The following GALNT13 variants were observed in gnomAD, a reference collection of about 807,000 sequenced individuals.
GALNT13 encodes the protein UDP-GalNAc:polypeptide N-acetylgalactosaminyltransferase 13.
Under a neutral mutation model 64.2 loss-of-function variants are expected in GALNT13, and 28 were observed. The observed-to-expected ratio is 0.44, with a 90% confidence interval of 0.32 to 0.60. The LOEUF is 0.60. Ranked by LOEUF, GALNT13 falls within the 20% of genes least tolerant of loss-of-function variation. GALNT13 has a pLI of 0.05. For missense variants in GALNT13, 577 were observed against 669.8 expected, an observed-to-expected ratio of 0.86 and a Z score of 1.53; for synonymous variants, 214 against 224.6, an observed-to-expected ratio of 0.95 and a Z score of 0.42.
chr2:154,224,761 T>C (rs558582539), intron 4 of GALNT13, among the ~76,000 whole-genome samples: 1 of 152,216 alleles, frequency 6.6e-6, no homozygotes, highest in South Asian at 2.1e-4. Context: ...AAGAATAAGC[T>C]GCACATAAAT....
chr2:153,652,551 G>T, the GALNT13 span, among the ~76,000 whole-genome samples: 3 of 152,054 alleles, frequency 2.0e-5, no homozygotes, highest in Admixed American at 6.6e-5. Context: ...GGAGGCGGAG[G>T]TTGCAGTGAG....
the GALNT13 span, among the ~76,000 whole-genome samples, chr2:153,729,528 G>A: frequency 6.6e-6 from 1 of 151,950 alleles, no homozygotes; most frequent in Non-Finnish European, 1.5e-5. Flanking sequence ...TGTTACTTTT[G>A]TATTTATATC....
At chr2:154,258,134 A>G (rs1690478727) in intron 7 of GALNT13, among the ~76,000 whole-genome samples, 1 of 152,200 alleles carries the variant, frequency 6.6e-6, no homozygotes, top group Non-Finnish European at 1.5e-5. Flanking sequence ...CTATTTGTGA[A>G]CAACTACAAT....
At chr2:153,077,200 C>A in the GALNT13 span, among the ~76,000 whole-genome samples, 1 of 152,140 alleles carries the variant, frequency 6.6e-6, no homozygotes, top group Admixed American at 6.5e-5. Context: ...GATCCACCTA[C>A]CTCAGCCTCT....
chr2:153,691,125 A>G, the GALNT13 span, among the ~76,000 whole-genome samples: 1 of 152,142 alleles, frequency 6.6e-6, no homozygotes, highest in Non-Finnish European at 1.5e-5. Flanking sequence ...CTTGTGGAGT[A>G]CTATAAGCAA....
At chr2:153,562,779 G>A in the GALNT13 span, among the ~76,000 whole-genome samples, 117 of 151,994 alleles carry the variant, frequency 7.7e-4, 1 homozygote, top group South Asian at 1.5e-3. Flanking sequence ...ATGAAGTGTC[G>A]CTGTGATGTT....
the GALNT13 span, among the ~76,000 whole-genome samples, chr2:153,365,604 A>C: frequency 6.6e-6 from 1 of 152,228 alleles, no homozygotes; most frequent in Non-Finnish European, 1.5e-5. Flanking sequence ...GACCCTTCTC[A>C]AAAGAAGACA....
Position 154,019,851 on chromosome 2 carries a change from C to A in GALNT13, c.142+75212C>A, listed in dbSNP as rs933875933. Among the ~76,000 whole-genome samples, 4 of 152,018 alleles carry A rather than the reference C, an allele frequency of 2.6e-5. No homozygotes were observed. The East Asian group carries it at 5.8e-4, about 22-fold the overall frequency. On this transcript the variant is annotated intron_variant, in intron 3 of 12. Transcript: ENST00000392825. Reference sequence around the variant, plus strand: ...TATCTCCTAATGCTATCCCTCCCCCCTACCCCCACCCCACAACAGTCCCCA... The same window carrying A: ...TATCTCCTAATGCTATCCCTCCCCCATACCCCCACCCCACAACAGTCCCCA...
intron 11 of GALNT13, among the ~76,000 whole-genome samples, chr2:154,433,581 G>A (rs1007362929): frequency 2.2e-4 from 34 of 152,170 alleles, no homozygotes; most frequent in African/African-American, 6.0e-4. Flanking sequence ...AGCTTAAGTC[G>A]TAAAACAGAA....
At chr2:153,935,895 A>G (rs540275873) in intron 2 of GALNT13, among the ~76,000 whole-genome samples, 1 of 152,298 alleles carries the variant, frequency 6.6e-6, no homozygotes, top group Non-Finnish European at 1.5e-5. Flanking sequence ...CAGCCATGAA[A>G]TTTTGTGTGC....
At chr2:153,707,608 T>C in the GALNT13 span, among the ~76,000 whole-genome samples, 1 of 152,226 alleles carries the variant, frequency 6.6e-6, no homozygotes, top group Admixed American at 6.5e-5. Context: ...TACTGCCTTG[T>C]ACAAGCTCAC....
chr2:153,107,691 G>T, the GALNT13 span, among the ~76,000 whole-genome samples: 1 of 152,108 alleles, frequency 6.6e-6, no homozygotes, highest in Non-Finnish European at 1.5e-5. Context: ...TTTGGCAGCA[G>T]ATTTACTGTC....
At chr2:153,428,141 G>A in the GALNT13 span, among the ~76,000 whole-genome samples, 1 of 152,304 alleles carries the variant, frequency 6.6e-6, no homozygotes, top group South Asian at 2.1e-4. Context: ...CAGTGGGCAA[G>A]GTTGCTGTAT....
intron 3 of GALNT13, among the ~76,000 whole-genome samples, chr2:153,963,622 T>A (rs1044675158): frequency 6.6e-6 from 1 of 151,990 alleles, no homozygotes; most frequent in African/African-American, 2.4e-5. Flanking sequence ...TTTTACTGAG[T>A]TAATTGTGGT....
the GALNT13 span, among the ~76,000 whole-genome samples, chr2:153,178,277 C>G: frequency 1.3e-5 from 2 of 152,250 alleles, no homozygotes; most frequent in Non-Finnish European, 2.9e-5. Flanking sequence ...TTTTGAGGAA[C>G]CTCCTTACCT....
At chr2:153,941,768 A>C (rs1317713196) in intron 2 of GALNT13, among the ~76,000 whole-genome samples, 2 of 152,162 alleles carry the variant, frequency 1.3e-5, no homozygotes, top group Admixed American at 1.3e-4. Context: ...CCTGTTTTCA[A>C]GGTGTAGGTG....
chr2:153,208,185 A>C, the GALNT13 span: 1 of 150,884 alleles, frequency 6.6e-6, no homozygotes, highest in Non-Finnish European at 1.5e-5. Flanking sequence ...ATATTTATTT[A>C]ATGTATGCTT....
the GALNT13 span, among the ~76,000 whole-genome samples, chr2:153,768,543 A>C: frequency 6.6e-6 from 1 of 152,164 alleles, no homozygotes; most frequent in South Asian, 2.1e-4. Context: ...TCATTATATA[A>C]TGCATTCTTT....
At chr2:153,768,758 C>T in the GALNT13 span, among the ~76,000 whole-genome samples, 2 of 151,958 alleles carry the variant, frequency 1.3e-5, no homozygotes, top group Admixed American at 6.6e-5. Context: ...CCCAACTACT[C>T]GGAAGGCTGA....
Sources: gnomAD v4.1 joint callset for allele counts (sites outside exome capture counted in the v4.1 genomes callset) on GRCh38, gnomAD v4.1.1 for gene constraint, MANE v1.5 for transcripts, NCBI Gene and HGNC (gene_info 2026-07-23, HGNC 2026-07-21) for gene names.